CRHR2: variants seen among roughly 807,000 people sequenced by gnomAD.
The protein encoded by CRHR2 is corticotropin-releasing hormone receptor 2.
A neutral mutation model predicts 57.9 loss-of-function variants in CRHR2; 53 were observed. The observed-to-expected ratio is 0.92, with a 90% CI of 0.73 to 1.15. The LOEUF is 1.15. Among genes scored for constraint, CRHR2 ranks in the 50% most tolerant of loss-of-function variants. The pLI is 0.00. For synonymous variants in CRHR2, 213 were observed against 220.9 expected, an observed-to-expected ratio of 0.96 and a Z score of 0.32; for missense variants, 532 against 542.6, an observed-to-expected ratio of 0.98 and a Z score of 0.19.
rs374839242 is a variant in CRHR2, at chr7:30,662,657, C to T, written c.697+37G>A. ...GGGAAATGGCCTGGTGAGAAGTCCT[C>T]CCCCCAACTAGGCCCTGCTGCCCCT... On this transcript the variant is annotated intron_variant, in intron 6 of 11. Coordinates refer to ENST00000471646, the MANE Select transcript of CRHR2 (RefSeq NM_001883.5). The T allele has an allele frequency of 8.1e-6, 13 of 1,599,108 alleles. No individual in the cohort carries two copies. The African/African-American group carries it at 9.4e-5, about 12-fold the overall frequency.
rs1453333528 is a variant in CRHR2 at position 30,665,225 on chromosome 7, G to C, written c.426-38C>G. The C allele has an allele frequency of 3.2e-6, 5 of 1,559,044 alleles. No homozygotes were observed. The African/African-American group carries it at 6.8e-5, about 21-fold the overall frequency. ...CAGGTCAGGGGTCAGCCAGGTTCAG[G>C]GGTCAACTGGGACTGGGTTCCCCCT... On this transcript the variant is annotated intron_variant, in intron 4 of 11. Coordinates refer to ENST00000471646, the MANE Select transcript of CRHR2 (RefSeq NM_001883.5). The surrounding 1 kb of genome is among the most constrained non-coding windows in gnomAD (Gnocchi z 4.5).
rs373659532 is a variant in CRHR2 at position 30,655,662 on chromosome 7, A to G, written c.971T>C (p.Met324Thr). 47 of 1,614,174 alleles carry G rather than the reference A, an allele frequency of 2.9e-5. No homozygotes were observed. In the Middle Eastern group the frequency reaches 8.3e-4, roughly 28 times the overall value. The change falls in exon 10 of 12, where the codon ATG becomes ACG. Residue 324 changes from methionine (M) to threonine (T), a missense_variant. Transcript: ENST00000471646. ...CTCCCCGGGATTGACGAAGAAGAGC[A>G]TGTAGGTGATGCCCAGGAGGGGCAG... ...VLLPLLGITY[M>T]LFFVNPGEDD...
At position 30,699,378 on chromosome 7, in the gene CRHR2, C is replaced by T. The variant is rs535782275; in HGVS notation, c.-261+566G>A. Among the ~76,000 whole-genome samples, 36 of 152,258 alleles carry T rather than the reference C, an allele frequency of 2.4e-4. No homozygotes were observed. The Middle Eastern group carries it at 0.01, about 43-fold the overall frequency. The stretch of plus-strand genomic sequence containing the variant: ...CAGAGCCCACTCTGTCCCCATCGCT[C>T]ATCTGGTACTGGGGGCTGCCTGATT... On this transcript the variant is annotated intron_variant, in intron 1 of 13. Transcript: ENST00000341843.
At chr7:30,695,180 G>A (rs1430216249) in intron 1 of CRHR2, among the ~76,000 whole-genome samples, 2 of 151,766 alleles carry the variant, frequency 1.3e-5, no homozygotes, top group Non-Finnish European at 1.5e-5. Flanking sequence ...GAGGGGTGGG[G>A]TGTCAGATGA....
Position 30,665,704 on chromosome 7 carries a change from C to T in CRHR2, c.316-65G>A. 1 of 1,333,806 alleles carries T rather than the reference C, an allele frequency of 7.5e-7. No homozygotes were observed. Among genetic ancestry groups the T allele is most frequent in the East Asian group, 2.5e-5 (1 of 39,618 alleles). The allele number at this position is 1,333,806 out of a possible 1,614,324, so 82.6% of individuals were successfully genotyped here. ...GCACGTGGGGGTGGGGCTGGGTATTCCAGCCGTGGCCACCTCTGTGTCCTG... is the reference window on the plus strand; with the variant it reads ...GCACGTGGGGGTGGGGCTGGGTATTTCAGCCGTGGCCACCTCTGTGTCCTG... On this transcript the variant is annotated intron_variant, in intron 3 of 11. Coordinates refer to ENST00000471646, the MANE Select transcript of CRHR2 (RefSeq NM_001883.5). The surrounding 1 kb of genome is among the most constrained non-coding windows in gnomAD (Gnocchi z 4.5).
Position 30,682,388 on chromosome 7 carries a change from C to T in CRHR2, c.-108G>A. ...CCGAGAGGGCGCGGGGTCCTGGCCC[C>T]CGCCAGCCCAGCCCCGATCTCCCGG... On this transcript the variant is annotated 5_prime_UTR_variant, in exon 1 of 12. Coordinates refer to ENST00000471646, the MANE Select transcript of CRHR2 (RefSeq NM_001883.5). 1.4e-6 allele frequency: 2 copies of T among 1,391,676 alleles called. No homozygotes were observed. Among genetic ancestry groups the T allele is most frequent in the Non-Finnish European group, 1.9e-6 (2 of 1,077,454 alleles). 86.2% of individuals were successfully genotyped at this position (1,391,676 alleles called of 1,614,324 possible). A position where few individuals can be genotyped will look rare whatever the true frequency, so the allele number is the denominator to read the frequency against.
At chr7:30,655,387 G>C (rs1349891518) in intron 10 of CRHR2, among the ~76,000 whole-genome samples, 193 bp downstream of exon 10, 1 of 152,210 alleles carries the variant, frequency 6.6e-6, no homozygotes, top group African/African-American at 2.4e-5. Flanking sequence ...GTGCGGGCTG[G>C]TAGGATGAAG....
In CRHR2 at chr7:30,665,165, C is replaced by T. The variant is rs750208111; in HGVS notation, c.448G>A (p.Val150Met). 6.8e-6 allele frequency: 11 copies of T among 1,614,022 alleles called. No individual in the cohort carries two copies. Among genetic ancestry groups the T allele is most frequent in the African/African-American group, 4.0e-5 (3 of 74,908 alleles). The change falls in exon 5 of 12, where the codon GTG becomes ATG. Residue 150 changes from valine (V) to methionine (M), a missense_variant. Val to Met is a conservative substitution (Grantham distance 21). Transcript: ENST00000471646. This position sits in a 1 kb window ranked among gnomAD's most constrained non-coding sequence, Gnocchi z 4.5. ...ALRSIRCLRN[V>M]IHWNLITTFI... Reference sequence around the variant, plus strand: ...GTGGTGATGAGGTTCCAGTGAATCACATTCCGCAGACAGCGAATGCTCCTG... The same window carrying T: ...GTGGTGATGAGGTTCCAGTGAATCATATTCCGCAGACAGCGAATGCTCCTG...
chr7:30,688,698 A>G, intron 2 of CRHR2: 1 of 418,992 alleles, frequency 2.4e-6, no homozygotes, highest in South Asian at 1.7e-5. Context: ...GGAACCCAGC[A>G]GAATCCAGGG....
chr7:30,665,177 A>G lies in CRHR2; in HGVS notation c.436T>C (p.Cys146Arg). ...LLFLALRSIR[C>R]LRNVIHWNLI... ...TTCCAGTGAATCACATTCCGCAGAC[A>G]GCGAATGCTCCTGTGGGAGGTGCAG... The change falls in exon 5 of 12, where the codon TGT becomes CGT. Residue 146 changes from cysteine (C) to arginine (R), a missense_variant. Coordinates refer to ENST00000471646, the MANE Select transcript of CRHR2 (RefSeq NM_001883.5). The surrounding 1 kb of genome is among the most constrained non-coding windows in gnomAD (Gnocchi z 4.5). The G allele has an allele frequency of 8.1e-6, 13 of 1,614,034 alleles. No homozygotes were observed. Among genetic ancestry groups the G allele is most frequent in the Non-Finnish European group, 1.1e-5 (13 of 1,179,922 alleles).
At chr7:30,688,709 C>T in intron 2 of CRHR2, 1 of 434,384 alleles carries the variant, frequency 2.3e-6, no homozygotes, top group Middle Eastern at 3.8e-4. Flanking sequence ...GAATCCAGGG[C>T]TCTGTGCAGC....
In CRHR2 at chr7:30,665,290, T is replaced by G. The variant is rs1053800080; in HGVS notation, c.426-103A>C. ...ACTCAGCCTGGGATGAGGGCAGGGC[T>G]GCACTAGGAGCCACTTCCCACCCAT... On this transcript the variant is annotated intron_variant, in intron 4 of 11. Coordinates refer to ENST00000471646, the MANE Select transcript of CRHR2 (RefSeq NM_001883.5). The surrounding 1 kb of genome is among the most constrained non-coding windows in gnomAD (Gnocchi z 4.5). 5.7e-6 allele frequency: 6 copies of G among 1,048,914 alleles called. No homozygotes were observed. In the African/African-American group the frequency reaches 9.4e-5, roughly 16 times the overall value. 65.0% of individuals were successfully genotyped at this position (1,048,914 alleles called of 1,614,324 possible).
At chr7:30,663,089 C>T (rs1165275653) in intron 5 of CRHR2, among the ~76,000 whole-genome samples, 2 of 152,204 alleles carry the variant, frequency 1.3e-5, no homozygotes, top group African/African-American at 2.4e-5. Context: ...TTCTCTCTAA[C>T]TCTTTCTAAT....
chr7:30,672,222 G>A (rs758668836), intron 2 of CRHR2, among the ~76,000 whole-genome samples: 1 of 152,216 alleles, frequency 6.6e-6, no homozygotes, highest in East Asian at 1.9e-4. Context: ...TTCCATGACT[G>A]TTCCAGCTCC....
intron 2 of CRHR2, among the ~76,000 whole-genome samples, chr7:30,667,604 G>A (rs1288703204): frequency 6.6e-6 from 1 of 152,236 alleles, no homozygotes; most frequent in Non-Finnish European, 1.5e-5. Flanking sequence ...CAACTGTGAG[G>A]AGTGGGTTGT....
chr7:30,662,365 C>T lies in CRHR2; in HGVS notation c.698-149G>A, dbSNP rs1044784727. On this transcript the variant is annotated intron_variant, in intron 6 of 11. Coordinates refer to ENST00000471646, the MANE Select transcript of CRHR2 (RefSeq NM_001883.5). The stretch of plus-strand genomic sequence containing the variant: ...ACAACCCCAGGGGTGCCCTGTCCCT[C>T]AACACCTGGCCCATGCCCCTGCCCC... 8.6e-5 allele frequency: 78 copies of T among 902,456 alleles called. No homozygotes were observed. The Middle Eastern group carries it at 9.1e-4, about 11-fold the overall frequency. 55.9% of individuals were successfully genotyped at this position (902,456 alleles called of 1,614,324 possible). A position where few individuals can be genotyped will look rare whatever the true frequency, so the allele number is the denominator to read the frequency against.
intron 10 of CRHR2, 79 bp downstream of exon 10, chr7:30,655,501 C>T (rs1584078168): frequency 6.6e-7 from 1 of 1,512,586 alleles, no homozygotes. Flanking sequence ...TCCCACGGGA[C>T]CCCCTTAGTG....
intron 1 of CRHR2, among the ~76,000 whole-genome samples, chr7:30,695,055 GA>G (rs2128151883): frequency 7.1e-6 from 1 of 140,462 alleles, no homozygotes; most frequent in African/African-American, 2.7e-5. Flanking sequence ...GAACGGGGAG[GA>G]GGGGGAAGAG....
chr7:30,680,577 C>T (rs1386130784), intron 2 of CRHR2, among the ~76,000 whole-genome samples: 2 of 152,176 alleles, frequency 1.3e-5, no homozygotes, highest in African/African-American at 4.8e-5. Flanking sequence ...TTTATAAGGT[C>T]AGGACTAGGA....
Sources: allele counts gnomAD v4.1 joint callset (sites outside exome capture counted in the v4.1 genomes callset), GRCh38; gene constraint gnomAD v4.1.1; non-coding constraint Gnocchi (gnomAD v3.1); transcripts MANE v1.5; gene names NCBI Gene and HGNC (gene_info 2026-07-23, HGNC 2026-07-21).